The following GALNT13 variants were observed in gnomAD, a reference collection of about 807,000 sequenced individuals.
GALNT13 encodes polypeptide N-acetylgalactosaminyltransferase 13, also known as UDP-GalNAc:polypeptide N-acetylgalactosaminyltransferase 13.
A neutral mutation model predicts 64.2 loss-of-function variants in GALNT13; 28 were observed. The ratio of observed to expected loss-of-function variants is 0.44; its 90% confidence interval spans 0.32 to 0.60. The LOEUF is 0.60. Ranked by LOEUF, GALNT13 falls within the 20% of genes least tolerant of loss-of-function variation. The pLI is 0.05. For synonymous variants in GALNT13, 214 were observed against 224.6 expected, an observed-to-expected ratio of 0.95 and a Z score of 0.42; for missense variants, 577 against 669.8, an observed-to-expected ratio of 0.86 and a Z score of 1.53.
the GALNT13 span, among the ~76,000 whole-genome samples, chr2:153,842,391 A>G: frequency 2.0e-5 from 3 of 152,120 alleles, no homozygotes; most frequent in Non-Finnish European, 4.4e-5. Context: ...GTGATTAGGG[A>G]GTATCAAAGA....
the GALNT13 span, among the ~76,000 whole-genome samples, chr2:153,156,501 G>C: frequency 6.6e-6 from 1 of 152,062 alleles, no homozygotes; most frequent in Non-Finnish European, 1.5e-5. Flanking sequence ...AAGAGAAACT[G>C]GTGTTTCTGG....
chr2:153,656,023 C>T, the GALNT13 span, among the ~76,000 whole-genome samples: 3 of 152,124 alleles, frequency 2.0e-5, no homozygotes, highest in Non-Finnish European at 4.4e-5. Flanking sequence ...GAAAGCTTGC[C>T]CGCTTTGTTA....
At chr2:154,000,088 A>G (rs1695800392) in intron 3 of GALNT13, among the ~76,000 whole-genome samples, 1 of 151,860 alleles carries the variant, frequency 6.6e-6, no homozygotes, top group Admixed American at 6.6e-5. Flanking sequence ...CCAGGAATTT[A>G]CCCATTTCTT....
At chr2:154,095,181 G>A (rs1702012897) in intron 3 of GALNT13, among the ~76,000 whole-genome samples, 1 of 151,744 alleles carries the variant, frequency 6.6e-6, no homozygotes, top group Non-Finnish European at 1.5e-5. Flanking sequence ...TATACAGCCG[G>A]TTAATTGGTG....
chr2:153,767,848 T>C, the GALNT13 span, among the ~76,000 whole-genome samples: 1 of 152,142 alleles, frequency 6.6e-6, no homozygotes, highest in Admixed American at 6.6e-5. Context: ...TTCTGGATAT[T>C]AGTTCCTTGT....
the GALNT13 span, among the ~76,000 whole-genome samples, chr2:153,614,267 A>G: frequency 6.6e-6 from 1 of 152,036 alleles, no homozygotes; most frequent in African/African-American, 2.4e-5. Context: ...TTTATACAAT[A>G]CTTACCTTAT....
At chr2:153,150,177 T>C in the GALNT13 span, among the ~76,000 whole-genome samples, 1 of 152,016 alleles carries the variant, frequency 6.6e-6, no homozygotes, top group Non-Finnish European at 1.5e-5. Context: ...ATTTGACTTA[T>C]ATGATTCAAC....
the GALNT13 span, among the ~76,000 whole-genome samples, chr2:153,174,830 T>A: frequency 7.6e-4 from 116 of 152,274 alleles, no homozygotes; most frequent in African/African-American, 2.7e-3. Context: ...TCCAACACTC[T>A]CTTTAAGGCA....
the GALNT13 span, among the ~76,000 whole-genome samples, chr2:153,533,717 G>GTTTTTATTTTTTTT: frequency 4.2e-5 from 1 of 24,072 alleles, no homozygotes; most frequent in East Asian, 1.7e-3. Flanking sequence ...ATATCCTGAG[G>GTTTTTATTTTTTTT]TTTTTCTTTT....
the GALNT13 span, among the ~76,000 whole-genome samples, chr2:153,294,774 A>T: frequency 6.6e-6 from 1 of 152,194 alleles, no homozygotes; most frequent in Non-Finnish European, 1.5e-5. Flanking sequence ...TTTTCAATTT[A>T]TTGAAAACAT....
intron 3 of GALNT13, among the ~76,000 whole-genome samples, chr2:153,972,893 A>G (rs1255586978): frequency 1.3e-5 from 2 of 152,018 alleles, no homozygotes; most frequent in Non-Finnish European, 2.9e-5. Flanking sequence ...AGAGTTAGTA[A>G]TCCTGTGACA....
chr2:154,184,343 A>G (rs774885180), intron 4 of GALNT13, among the ~76,000 whole-genome samples: 1 of 152,030 alleles, frequency 6.6e-6, no homozygotes, highest in Non-Finnish European at 1.5e-5. Flanking sequence ...TAATCCATTC[A>G]GTGACTCTCT....
At chr2:153,505,527 C>T in the GALNT13 span, among the ~76,000 whole-genome samples, 3 of 152,048 alleles carry the variant, frequency 2.0e-5, no homozygotes, top group African/African-American at 7.2e-5. Flanking sequence ...CCTCTTAGCA[C>T]CACTATTGCT....
At chr2:153,584,687 A>G in the GALNT13 span, among the ~76,000 whole-genome samples, 1 of 152,222 alleles carries the variant, frequency 6.6e-6, no homozygotes, top group Non-Finnish European at 1.5e-5. Context: ...TGGTGCACAG[A>G]AAACAAGGAT....
the GALNT13 span, among the ~76,000 whole-genome samples, chr2:153,786,399 C>T: frequency 2.0e-5 from 3 of 152,090 alleles, no homozygotes; most frequent in African/African-American, 7.2e-5. Flanking sequence ...TGACTGTGGA[C>T]CAGTCACCCT....
chr2:154,177,209 A>G (rs1685699991), intron 4 of GALNT13, among the ~76,000 whole-genome samples: 1 of 152,242 alleles, frequency 6.6e-6, no homozygotes. Flanking sequence ...ACAATGGCAT[A>G]TCATTCAGTG....
At chr2:153,878,457 T>C (rs1226834325) in intron 1 of GALNT13, among the ~76,000 whole-genome samples, 1 of 152,192 alleles carries the variant, frequency 6.6e-6, no homozygotes, top group African/African-American at 2.4e-5. Flanking sequence ...GCTTATAGCT[T>C]ATTCCATTCT....
At chr2:153,498,815 C>T in the GALNT13 span, among the ~76,000 whole-genome samples, 1 of 152,038 alleles carries the variant, frequency 6.6e-6, no homozygotes, top group African/African-American at 2.4e-5. Flanking sequence ...TGTGTTACAG[C>T]TCTTTCAATC....
the GALNT13 span, among the ~76,000 whole-genome samples, chr2:153,624,747 A>G: frequency 6.6e-6 from 1 of 151,760 alleles, no homozygotes; most frequent in African/African-American, 2.4e-5. Flanking sequence ...AAAGATGTCT[A>G]ATGTATGTGA....
Sources: allele counts gnomAD v4.1 joint callset (sites outside exome capture counted in the v4.1 genomes callset), GRCh38; gene constraint gnomAD v4.1.1; transcripts MANE v1.5; gene names NCBI Gene and HGNC (gene_info 2026-07-23, HGNC 2026-07-21).